AXDND1: variants seen among roughly 807,000 people sequenced by gnomAD.
AXDND1 encodes the protein axonemal dynein light chain domain containing 1.
A neutral mutation model predicts 137.5 loss-of-function variants in AXDND1; 110 were observed. The observed-to-expected ratio is 0.80, with a 90% CI of 0.69 to 0.94. The LOEUF (loss-of-function observed/expected upper bound fraction) is 0.94. Among genes scored for constraint, AXDND1 ranks in the 40% least tolerant of loss-of-function variants. The probability of loss-of-function intolerance (pLI) is 0.00; values close to 1 mark genes in which losing one functional copy is unlikely to be tolerated. For missense variants in AXDND1, 1,191 were observed against 1,169.8 expected (o/e 1.02, Z -0.26); for synonymous variants, 414 against 399.7 (o/e 1.04, Z -0.43).
Position 179,383,471 on chromosome 1 carries a change from A to C in AXDND1, c.668A>C (p.Gln223Pro). ...MKPNKRVEVA[Q>P]LNDVMDTMLE... ...CCTAATAAAAGAGTAGAAGTGGCCC[A>C]GCTGAATGATGTGATGGATACTATG... Residue 223 changes from glutamine to proline, a missense_variant, in exon 8 of 26, where the codon CAG becomes CCG. Physicochemically the swap from Gln to Pro is moderately conservative, Grantham distance 76. Transcript: ENST00000367618. 6.2e-7 allele frequency: 1 copy of C among 1,614,058 alleles called. No individual in the cohort carries two copies. The highest frequency in any genetic ancestry group is 8.5e-7 in the Non-Finnish European group (1 of 1,179,942).
chr1:179,448,457 T>G, intron 16 of AXDND1: 1 of 511,214 alleles, frequency 2.0e-6, no homozygotes, highest in Admixed American at 2.8e-5. Flanking sequence ...CCACCTTTCC[T>G]TATTTCCTTA....
At chr1:179,485,602 G>C (rs1665944984) in intron 18 of AXDND1, among the ~76,000 whole-genome samples, 1 of 152,168 alleles carries the variant, frequency 6.6e-6, no homozygotes, top group Non-Finnish European at 1.5e-5. Context: ...GAAAGAGCCA[G>C]CACAAGAACT....
At chr1:179,513,160 C>T (rs927948142) in intron 21 of AXDND1, among the ~76,000 whole-genome samples, 1 of 152,132 alleles carries the variant, frequency 6.6e-6, no homozygotes, top group African/African-American at 2.4e-5. Flanking sequence ...AGAGAGAATG[C>T]TTTCAGCTTT....
chr1:179,518,965 G>A lies in AXDND1; in HGVS notation c.2497-6369G>A, dbSNP rs569114500. ...CTTTAGATCTTTGAAGAATCACCAC[G>A]CTGTCTTCCACCATGGCTGAACTAA... On this transcript the variant is annotated intron_variant, in intron 21 of 25. Coordinates refer to ENST00000367618, the MANE Select transcript of AXDND1 (RefSeq NM_144696.6). Among the ~76,000 whole-genome samples, 17 of 152,158 alleles carry A rather than the reference G, an allele frequency of 1.1e-4. No individual in the cohort carries two copies. In the East Asian group the frequency reaches 2.5e-3, roughly 22 times the overall value.
At chr1:179,382,066 C>T (rs1299359583) in intron 6 of AXDND1, among the ~76,000 whole-genome samples, 10 of 149,878 alleles carry the variant, frequency 6.7e-5, no homozygotes, top group South Asian at 2.1e-4. Context: ...TGAGCCACCA[C>T]GCCCAGCCCT....
intron 4 of AXDND1, among the ~76,000 whole-genome samples, chr1:179,370,599 T>C (rs1163837051): frequency 6.6e-6 from 1 of 152,268 alleles, no homozygotes; most frequent in Non-Finnish European, 1.5e-5. Context: ...GTCTCATTCC[T>C]ACAAACATTC....
intron 22 of AXDND1, among the ~76,000 whole-genome samples, chr1:179,526,402 C>G (rs2125688777): frequency 6.6e-6 from 1 of 152,226 alleles, no homozygotes; most frequent in African/African-American, 2.4e-5. Flanking sequence ...AAAACTGAAG[C>G]TCAGAGAGGT....
At chr1:179,447,844 C>T in intron 16 of AXDND1, 2 of 1,315,270 alleles carry the variant, frequency 1.5e-6, no homozygotes. Context: ...CAACATCCCA[C>T]CTGCATTGCC....
intron 10 of AXDND1, among the ~76,000 whole-genome samples, 199 bp from the exon 11 acceptor site, chr1:179,394,899 C>T (rs1377458075): frequency 2.6e-5 from 4 of 152,116 alleles, no homozygotes; most frequent in African/African-American, 7.2e-5. Context: ...TCCTGCCAGC[C>T]TGATTTCATT....
chr1:179,459,999 C>G (rs1662068452), intron 16 of AXDND1, among the ~76,000 whole-genome samples: 1 of 133,872 alleles, frequency 7.5e-6, no homozygotes, highest in South Asian at 2.4e-4. Context: ...TTCCTTCCTT[C>G]CTTCCTTCCT....
intron 21 of AXDND1, among the ~76,000 whole-genome samples, chr1:179,512,284 T>C (rs916631691): frequency 1.3e-5 from 2 of 152,238 alleles, no homozygotes. Context: ...TACATGTGGC[T>C]AGCCAATTAT....
intron 25 of AXDND1, among the ~76,000 whole-genome samples, chr1:179,535,495 T>C (rs1210190183): frequency 6.6e-6 from 1 of 152,218 alleles, no homozygotes; most frequent in African/African-American, 2.4e-5. Flanking sequence ...GTCCTTGTGA[T>C]AGTTTGCTGA....
chr1:179,453,279 A>G (rs1250673660), intron 16 of AXDND1: 1 of 152,298 alleles, frequency 6.6e-6, no homozygotes, highest in Non-Finnish European at 1.5e-5. Flanking sequence ...AGTTATGAGA[A>G]GAGGGCCACT....
intron 16 of AXDND1, chr1:179,456,147 G>A (rs55730224): frequency 0.089 from 51,387 of 574,332 alleles, 2,823 homozygotes; most frequent in African/African-American, 0.14. Flanking sequence ...GCTTGGCTGA[G>A]TTCACAAATC....
chr1:179,402,164 CAA>C (rs552031518), intron 11 of AXDND1, among the ~76,000 whole-genome samples: 3 of 107,618 alleles, frequency 2.8e-5, no homozygotes, highest in Admixed American at 1.9e-4. Context: ...GACTCCGTCT[CAA>C]AAAAAAAAAA....
rs137885727 is a variant in AXDND1 at position 179,551,601 on chromosome 1, G to T, written c.3032-2911G>T. On this transcript the variant is annotated intron_variant, in intron 25 of 25. Coordinates refer to ENST00000367618, the MANE Select transcript of AXDND1 (RefSeq NM_144696.6). Reference sequence around the variant, plus strand: ...AACATGTTTATTCTTCTTTCTGAAGGGTCTTGAGCTGGGGAGACAGATTAA... The same window carrying T: ...AACATGTTTATTCTTCTTTCTGAAGTGTCTTGAGCTGGGGAGACAGATTAA... The T allele has an allele frequency of 1.0e-4, 90 of 862,370 alleles. No homozygotes were observed. In the African/African-American group the frequency reaches 1.1e-3, roughly 10 times the overall value. 53.4% of individuals were successfully genotyped at this position (862,370 alleles called of 1,614,324 possible). A position where few individuals can be genotyped will look rare whatever the true frequency, so the allele number is the denominator to read the frequency against.
intron 11 of AXDND1, 72 bp downstream of exon 11, chr1:179,395,274 T>C (rs1650871008): frequency 8.9e-7 from 1 of 1,118,842 alleles, no homozygotes; most frequent in Non-Finnish European, 1.3e-6. Context: ...TGAAATAATA[T>C]ATATGATACT....
At chr1:179,429,444 A>G (rs560817766) in intron 12 of AXDND1, 74 bp from the exon 13 acceptor site, 47 of 718,798 alleles carry the variant, frequency 6.5e-5, no homozygotes, top group African/African-American at 1.3e-4. Context: ...AAATCGATAT[A>G]TGAAATCACT....
chr1:179,483,627 A>G (rs1665690338), intron 18 of AXDND1, among the ~76,000 whole-genome samples: 1 of 152,198 alleles, frequency 6.6e-6, no homozygotes, highest in Admixed American at 6.5e-5. Context: ...TGCTACATTA[A>G]TCCCTTCTTT....
Sources: gnomAD v4.1 joint callset for allele counts (sites outside exome capture counted in the v4.1 genomes callset) on GRCh38, gnomAD v4.1.1 for gene constraint, MANE v1.5 for transcripts, NCBI Gene and HGNC (gene_info 2026-07-23, HGNC 2026-07-21) for gene names.